The following CSMD1 variants were observed in gnomAD, a reference collection of about 807,000 sequenced individuals.
CSMD1 encodes the protein CUB and sushi domain-containing protein 1.
A neutral mutation model predicts 417.5 loss-of-function variants in CSMD1; 213 were observed. The ratio of observed to expected loss-of-function variants is 0.51; its 90% CI spans 0.46 to 0.57. The LOEUF (loss-of-function observed/expected upper bound fraction) is 0.57, where lower values mean the gene tolerates loss of function less well. CSMD1 is among the 20% of genes least tolerant of loss of function. The pLI is 0.00. For missense variants in CSMD1, 6,923 were observed against 4,529.7 expected, an observed-to-expected ratio of 1.53 and a Z score of -15.17; for synonymous variants, 2,862 against 1,736.8, an observed-to-expected ratio of 1.65 and a Z score of -16.11.
At chr8:3,050,913 C>T (rs188776909) in intron 50 of CSMD1, among the ~76,000 whole-genome samples, 9 of 151,900 alleles carry the variant, frequency 5.9e-5, no homozygotes, top group South Asian at 2.1e-4. Context: ...GTATCACTGG[C>T]GCAAAAATAT....
At position 3,670,197 on chromosome 8, in the gene CSMD1, G is replaced by T. The variant is rs13258539; in HGVS notation, c.1009+38217C>A. ...GAAGGCAGACTTACACTTAATCTGGGTGGGTACCCTCTAATCAGCTGCCAG... is the reference window on the plus strand; with the variant it reads ...GAAGGCAGACTTACACTTAATCTGGTTGGGTACCCTCTAATCAGCTGCCAG... On this transcript the variant is annotated intron_variant, in intron 7 of 69. Transcript: ENST00000635120. Among the ~76,000 whole-genome samples the T allele has an allele frequency of 2.0e-5, 3 of 151,706 alleles. 1 individual carries two copies. Among genetic ancestry groups the T allele is most frequent in the Middle Eastern group, 6.9e-3 (2 of 290 alleles).
chr8:4,967,825 G>C (rs55834469), intron 1 of CSMD1, among the ~76,000 whole-genome samples: 20,940 of 152,158 alleles, frequency 0.14, 1,747 homozygotes, highest in Middle Eastern at 0.24. Flanking sequence ...AAGTTTAAAA[G>C]GAAGTTGTAA....
chr8:3,967,439 C>G (rs1176104504), intron 5 of CSMD1, among the ~76,000 whole-genome samples: 2 of 134,350 alleles, frequency 1.5e-5, no homozygotes, highest in South Asian at 2.7e-4. Context: ...AGTCCTCATT[C>G]AGGATCTTTG....
At chr8:3,008,377 T>C (rs1808121606) in intron 52 of CSMD1, among the ~76,000 whole-genome samples, 2 of 152,172 alleles carry the variant, frequency 1.3e-5, no homozygotes. Context: ...GGCCCACCCT[T>C]AGACCAGGGG....
At chr8:4,764,910 A>G (rs1426280558) in intron 1 of CSMD1, among the ~76,000 whole-genome samples, 1 of 150,298 alleles carries the variant, frequency 6.7e-6, no homozygotes, top group African/African-American at 2.5e-5. Context: ...ACAACAAAAA[A>G]AAACCTTTGC....
intron 12 of CSMD1, among the ~76,000 whole-genome samples, chr8:3,446,901 A>G (rs1325679187): frequency 6.6e-6 from 1 of 152,226 alleles, no homozygotes; most frequent in Non-Finnish European, 1.5e-5. Flanking sequence ...GAGAAATTAA[A>G]GCACTAATTG....
chr8:3,469,737 T>A (rs932778408), intron 11 of CSMD1, among the ~76,000 whole-genome samples: 5 of 152,128 alleles, frequency 3.3e-5, no homozygotes, highest in East Asian at 1.9e-4. Context: ...CCCTACATCC[T>A]CACCTTAGGC....
chr8:3,510,785 T>G (rs2117393174), intron 10 of CSMD1, among the ~76,000 whole-genome samples: 1 of 151,972 alleles, frequency 6.6e-6, no homozygotes, highest in Admixed American at 6.5e-5. Context: ...TTGCCTATGT[T>G]TATTAGCCGC....
At chr8:4,431,678 G>C (rs1165540776) in intron 2 of CSMD1, among the ~76,000 whole-genome samples, 2 of 152,132 alleles carry the variant, frequency 1.3e-5, no homozygotes, top group African/African-American at 4.8e-5. Flanking sequence ...ATAGAGGAAT[G>C]AAACAAAAGA....
intron 27 of CSMD1, among the ~76,000 whole-genome samples, chr8:3,225,277 C>T (rs764890996): frequency 2.6e-5 from 4 of 152,124 alleles, no homozygotes; most frequent in Non-Finnish European, 5.9e-5. Context: ...AATGCAAACT[C>T]TGAATGCTAT....
intron 1 of CSMD1, among the ~76,000 whole-genome samples, chr8:4,791,522 G>C (rs1168857518): frequency 1.3e-5 from 2 of 152,136 alleles, no homozygotes; most frequent in African/African-American, 2.4e-5. Context: ...ATCCCCTAAA[G>C]TTGTATAAGA....
rs983803519 is a variant in CSMD1 at position 3,253,464 on chromosome 8, T to C, written c.4154-23233A>G. On this transcript the variant is annotated intron_variant, in intron 26 of 69. Transcript: ENST00000635120. ...TTACTTCCAACTATGTGGTCAATTT[T>C]GGACTAGGTGTGGTGTGGTGCTGAA... 6.6e-5 allele frequency among the ~76,000 whole-genome samples: 10 copies of C among 152,342 alleles called. No individual in the cohort carries two copies. The Middle Eastern group carries it at 0.01, about 155-fold the overall frequency.
chr8:3,918,499 A>G (rs1808989457), intron 5 of CSMD1, among the ~76,000 whole-genome samples: 1 of 152,110 alleles, frequency 6.6e-6, no homozygotes, highest in Admixed American at 6.6e-5. Context: ...CTTTGCAGAT[A>G]TATCTACTTG....
At chr8:4,700,907 G>T (rs1027898757) in intron 1 of CSMD1, among the ~76,000 whole-genome samples, 1 of 152,290 alleles carries the variant, frequency 6.6e-6, no homozygotes, top group East Asian at 1.9e-4. Context: ...AAAACCAGAA[G>T]ATTTCAGAGG....
At chr8:4,348,338 G>T (rs537042489) in intron 3 of CSMD1, among the ~76,000 whole-genome samples, 1 of 152,098 alleles carries the variant, frequency 6.6e-6, no homozygotes, top group South Asian at 2.1e-4. Context: ...CCACAGCAGC[G>T]AAGTCATGGA....
intron 3 of CSMD1, among the ~76,000 whole-genome samples, chr8:4,289,021 T>C (rs1031203131): frequency 4.6e-5 from 7 of 152,168 alleles, no homozygotes; most frequent in East Asian, 1.9e-4. Context: ...AAGCTATCTG[T>C]TCAAGCAATG....
At chr8:4,026,809 A>G (rs375403586) in intron 4 of CSMD1, among the ~76,000 whole-genome samples, 1 of 152,236 alleles carries the variant, frequency 6.6e-6, no homozygotes, top group East Asian at 1.9e-4. Context: ...ATTAAGATTT[A>G]TGGCTGTAGG....
rs1028145386 is a variant in CSMD1, at chr8:3,650,451, G to A, written c.1010-33654C>T. Among the ~76,000 whole-genome samples, 8 of 152,076 alleles carry A rather than the reference G, an allele frequency of 5.3e-5. No individual in the cohort carries two copies. In the South Asian group the frequency reaches 8.3e-4, roughly 16 times the overall value. On this transcript the variant is annotated intron_variant, in intron 7 of 69. Coordinates refer to ENST00000635120, the MANE Select transcript of CSMD1 (RefSeq NM_033225.6). The stretch of plus-strand genomic sequence containing the variant: ...AATACTATGAATAGGAAAACTCATC[G>A]AAGAACTCATCATGCTCTAGGACTA...
chr8:3,715,222 A>G (rs1801759037), intron 6 of CSMD1, among the ~76,000 whole-genome samples: 1 of 152,170 alleles, frequency 6.6e-6, no homozygotes, highest in Non-Finnish European at 1.5e-5. Flanking sequence ...AAGACCCATT[A>G]AATTTCTAAG....
Sources: allele counts gnomAD v4.1 joint callset (sites outside exome capture counted in the v4.1 genomes callset), GRCh38; gene constraint gnomAD v4.1.1; transcripts MANE v1.5; gene names NCBI Gene and HGNC (gene_info 2026-07-23, HGNC 2026-07-21).